Variants in XKR9 observed in about 807,000 individuals in gnomAD.
XKR9 encodes XK-related protein 9.
Under a neutral mutation model 32.0 loss-of-function variants are expected in XKR9, and 32 were observed. That is an observed-to-expected ratio of 1.00 (90% CI 0.76 to 1.34). XKR9 has a LOEUF of 1.34. Ranked by LOEUF, XKR9 falls within the 40% of genes most tolerant of loss-of-function variation. XKR9 has a pLI of 0.00. For synonymous variants in XKR9, 168 were observed against 143.4 expected (o/e 1.17, Z -1.22); for missense variants, 546 against 429.7 (o/e 1.27, Z -2.39).
At chr8:70,710,276 A>G (rs1012387601) in intron 4 of XKR9, among the ~76,000 whole-genome samples, 4 of 152,216 alleles carry the variant, frequency 2.6e-5, no homozygotes, top group African/African-American at 9.6e-5. Context: ...CTTTTACCAT[A>G]TACAAAAATC....
chr8:70,878,376 T>G, the XKR9 span, among the ~76,000 whole-genome samples: 9 of 151,542 alleles, frequency 5.9e-5, no homozygotes, highest in African/African-American at 2.2e-4. Context: ...GGATAAAGAG[T>G]CAAGCCCCAT....
the XKR9 span, among the ~76,000 whole-genome samples, chr8:71,057,578 AG>A: frequency 6.6e-6 from 1 of 152,190 alleles, no homozygotes; most frequent in Non-Finnish European, 1.5e-5. Context: ...CTTATCATTA[AG>A]GGGTGGTGAT....
chr8:70,875,120 C>A, the XKR9 span, among the ~76,000 whole-genome samples: 112 of 152,280 alleles, frequency 7.4e-4, no homozygotes, highest in African/African-American at 2.4e-3. Context: ...GGAGGTCCTA[C>A]TTGTTCTCTG....
the XKR9 span, among the ~76,000 whole-genome samples, chr8:71,065,645 G>A: frequency 1.3e-5 from 2 of 152,232 alleles, no homozygotes; most frequent in East Asian, 1.9e-4. Context: ...ACATAATGCA[G>A]CATGTAGAGA....
chr8:70,678,320 A>G (rs1264186721), intron 2 of XKR9, among the ~76,000 whole-genome samples: 1 of 152,198 alleles, frequency 6.6e-6, no homozygotes, highest in Non-Finnish European at 1.5e-5. Context: ...TTTATGTTTA[A>G]GAATGATACA....
At chr8:70,879,187 A>T in the XKR9 span, among the ~76,000 whole-genome samples, 1 of 152,186 alleles carries the variant, frequency 6.6e-6, no homozygotes, top group East Asian at 1.9e-4. Flanking sequence ...AGCACTAAAT[A>T]CTCCCAAGAG....
At chr8:70,712,254 C>G (rs1166175552) in intron 4 of XKR9, among the ~76,000 whole-genome samples, 1 of 152,060 alleles carries the variant, frequency 6.6e-6, no homozygotes, top group East Asian at 1.9e-4. Flanking sequence ...AGTTATTCAA[C>G]TCTTCCCCTG....
At chr8:70,744,669 G>T (rs559085883) in intron 2 of XKR9, among the ~76,000 whole-genome samples, 1 of 152,150 alleles carries the variant, frequency 6.6e-6, no homozygotes, top group South Asian at 2.1e-4. Context: ...GCAGTGGTGC[G>T]ATCGTGGCTC....
intron 2 of XKR9, among the ~76,000 whole-genome samples, chr8:70,741,511 G>A (rs1806981988): frequency 6.6e-6 from 1 of 152,182 alleles, no homozygotes; most frequent in African/African-American, 2.4e-5. Flanking sequence ...TTTTGTTACT[G>A]GCTTAGTTCG....
At chr8:70,825,070 C>G in the XKR9 span, among the ~76,000 whole-genome samples, 24 of 152,010 alleles carry the variant, frequency 1.6e-4, no homozygotes, top group Non-Finnish European at 1.5e-4. Flanking sequence ...CATTATGATT[C>G]TCTGGTTCTT....
At chr8:70,931,975 G>A in the XKR9 span, among the ~76,000 whole-genome samples, 1 of 152,088 alleles carries the variant, frequency 6.6e-6, no homozygotes, top group African/African-American at 2.4e-5. Context: ...ACCATATCAG[G>A]TAGGTAGGTA....
chr8:70,942,876 T>C, the XKR9 span, among the ~76,000 whole-genome samples: 1 of 152,146 alleles, frequency 6.6e-6, no homozygotes, highest in East Asian at 1.9e-4. Context: ...CCCATAAGTC[T>C]TACCTACTTT....
intron 3 of XKR9, among the ~76,000 whole-genome samples, chr8:70,690,710 A>G (rs1180050517): frequency 6.6e-6 from 1 of 152,132 alleles, no homozygotes; most frequent in East Asian, 1.9e-4. Context: ...TTAGTTTGCT[A>G]AGGATGATAG....
At chr8:71,012,935 C>T in the XKR9 span, among the ~76,000 whole-genome samples, 1 of 152,196 alleles carries the variant, frequency 6.6e-6, no homozygotes, top group Non-Finnish European at 1.5e-5. Flanking sequence ...TAGTCTTACT[C>T]TATTCCTGCC....
chr8:70,900,983 T>G, the XKR9 span, among the ~76,000 whole-genome samples: 9 of 152,228 alleles, frequency 5.9e-5, no homozygotes, highest in Non-Finnish European at 1.3e-4. Flanking sequence ...ACGAAGGACA[T>G]GAACTCATCC....
chr8:70,684,493 C>G (rs1819191920), intron 3 of XKR9, among the ~76,000 whole-genome samples: 1 of 151,912 alleles, frequency 6.6e-6, no homozygotes, highest in Admixed American at 6.6e-5. Flanking sequence ...CATACATAAT[C>G]AAATATATTG....
the XKR9 span, among the ~76,000 whole-genome samples, chr8:70,946,852 A>G: frequency 6.6e-6 from 1 of 152,222 alleles, no homozygotes; most frequent in Non-Finnish European, 1.5e-5. Context: ...TAATTAGTTG[A>G]CTGAATTACC....
At chr8:70,978,613 C>G in the XKR9 span, among the ~76,000 whole-genome samples, 1 of 152,168 alleles carries the variant, frequency 6.6e-6, no homozygotes, top group East Asian at 1.9e-4. Flanking sequence ...TGCTGTTAGT[C>G]TCATGCACTT....
At chr8:70,814,663 G>C in the XKR9 span, among the ~76,000 whole-genome samples, 1 of 152,066 alleles carries the variant, frequency 6.6e-6, no homozygotes, top group East Asian at 1.9e-4. Flanking sequence ...ATGTGGAAAA[G>C]TTTCCTCTAA....
Sources: allele counts gnomAD v4.1 joint callset (sites outside exome capture counted in the v4.1 genomes callset), GRCh38; gene constraint gnomAD v4.1.1; transcripts MANE v1.5; gene names NCBI Gene and HGNC (gene_info 2026-07-23, HGNC 2026-07-21).